Variants in PRKG1 observed in about 807,000 individuals in gnomAD.
PRKG1 encodes the protein protein kinase cGMP-dependent 1.
In PRKG1, 35 loss-of-function variants were observed where a neutral mutation model predicts 88.1. That is an observed-to-expected ratio of 0.40 (90% CI 0.30 to 0.53). The LOEUF is 0.53. Among genes scored for constraint, PRKG1 ranks in the 20% least tolerant of loss-of-function variants. The pLI, the probability that PRKG1 is intolerant of heterozygous loss-of-function variation, is 0.59. For missense variants in PRKG1, 540 were observed against 839.8 expected (o/e 0.64, Z 4.41); for synonymous variants, 303 against 292.5 (o/e 1.04, Z -0.37).
chr10:51,696,340 T>A (rs778030720), intron 3 of PRKG1: 1 of 151,962 alleles, frequency 6.6e-6, no homozygotes, highest in Non-Finnish European at 1.5e-5. Flanking sequence ...ACTGAGAGTT[T>A]TACTTAGTGA....
chr10:51,765,441 A>T (rs1465260559), intron 3 of PRKG1, among the ~76,000 whole-genome samples: 2 of 152,090 alleles, frequency 1.3e-5, no homozygotes, highest in East Asian at 3.9e-4. Flanking sequence ...TAATAATCAA[A>T]TCTTCTATGA....
In PRKG1 at chr10:52,029,630, G is replaced by A. The variant is rs1056354088; in HGVS notation, c.763-24854G>A. 8.5e-5 allele frequency among the ~76,000 whole-genome samples: 13 copies of A among 152,288 alleles called. 1 individual carries two copies. Among genetic ancestry groups the A allele is most frequent in the Admixed American group, 8.5e-4 (13 of 15,290 alleles). On this transcript the variant is annotated intron_variant, in intron 5 of 17. Coordinates refer to ENST00000373980, the MANE Select transcript of PRKG1 (RefSeq NM_006258.4). ...CTTTAGTGCCTGGTACTTGACCACGGCTGAACACTGGGATCACTTGGAGAA... is the reference window on the plus strand; with the variant it reads ...CTTTAGTGCCTGGTACTTGACCACGACTGAACACTGGGATCACTTGGAGAA...
At chr10:52,208,216 G>A (rs12254522) in intron 9 of PRKG1, among the ~76,000 whole-genome samples, 5,035 of 152,164 alleles carry the variant, frequency 0.033, 297 homozygotes, top group African/African-American at 0.11. Context: ...GAATCACTTT[G>A]AATGTGAGTC....
intron 1 of PRKG1, among the ~76,000 whole-genome samples, chr10:51,020,841 G>A (rs975126317): frequency 3.3e-5 from 5 of 152,080 alleles, no homozygotes; most frequent in Admixed American, 1.3e-4. Context: ...AGTTTCATGA[G>A]TCAAAATTGA....
At chr10:52,176,921 G>T (rs1254647374) in intron 9 of PRKG1, among the ~76,000 whole-genome samples, 1 of 152,078 alleles carries the variant, frequency 6.6e-6, no homozygotes. Context: ...GGAGTCTGTA[G>T]TTTTTCTCTA....
intron 9 of PRKG1, among the ~76,000 whole-genome samples, chr10:52,208,804 T>A (rs1004826588): frequency 1.1e-4 from 17 of 152,178 alleles, no homozygotes; most frequent in Non-Finnish European, 1.9e-4. Flanking sequence ...TTAACTATTA[T>A]TTTATAATTT....
chr10:51,392,156 T>G (rs1837420343), intron 2 of PRKG1, among the ~76,000 whole-genome samples: 1 of 151,704 alleles, frequency 6.6e-6, no homozygotes, highest in African/African-American at 2.4e-5. Flanking sequence ...TTTTAATTGA[T>G]CATTCTTGGG....
chr10:51,868,172 C>T (rs561166328), intron 4 of PRKG1, among the ~76,000 whole-genome samples: 20 of 152,120 alleles, frequency 1.3e-4, no homozygotes, highest in East Asian at 7.7e-4. Context: ...TAAGCAAGGA[C>T]GACTTATACA....
intron 7 of PRKG1, among the ~76,000 whole-genome samples, chr10:52,073,923 G>C (rs1419154578): frequency 6.6e-6 from 1 of 152,160 alleles, no homozygotes; most frequent in Non-Finnish European, 1.5e-5. Context: ...ATTTGGACTA[G>C]ACTACTTCCA....
chr10:51,614,097 T>C (rs1838982629), intron 3 of PRKG1, among the ~76,000 whole-genome samples: 1 of 151,986 alleles, frequency 6.6e-6, no homozygotes, highest in Admixed American at 6.6e-5. Flanking sequence ...GCTGTAGAAA[T>C]ACCCAACTAT....
At chr10:52,087,791 A>G (rs915822637) in intron 7 of PRKG1, among the ~76,000 whole-genome samples, 1 of 152,196 alleles carries the variant, frequency 6.6e-6, no homozygotes, top group Non-Finnish European at 1.5e-5. Context: ...GAAATTGTGA[A>G]CTGTAGTTAA....
At chr10:51,205,127 CTTTTTTTTTTTTTT>C (rs58176913) in intron 2 of PRKG1, among the ~76,000 whole-genome samples, 1 of 64,030 alleles carries the variant, frequency 1.6e-5, no homozygotes, top group Non-Finnish European at 3.0e-5. Flanking sequence ...ATTTTCTTTT[CTTTTTTTTTTTTTT>C]TTTTTTTTTT....
At chr10:51,632,655 A>C (rs1484006757) in intron 3 of PRKG1, among the ~76,000 whole-genome samples, 1 of 152,134 alleles carries the variant, frequency 6.6e-6, no homozygotes, top group East Asian at 1.9e-4. Flanking sequence ...TTGTGAATAA[A>C]ATTTTTTAGA....
At chr10:51,034,477 A>G (rs1430483953) in intron 1 of PRKG1, among the ~76,000 whole-genome samples, 3 of 151,806 alleles carry the variant, frequency 2.0e-5, no homozygotes, top group African/African-American at 7.2e-5. Flanking sequence ...TAATTTTTAC[A>G]GTCTTTCAAT....
At chr10:51,132,619 C>G (rs185653498) in intron 1 of PRKG1, among the ~76,000 whole-genome samples, 2 of 150,084 alleles carry the variant, frequency 1.3e-5, no homozygotes, top group African/African-American at 4.9e-5. Flanking sequence ...AAAGACAGAG[C>G]CTATGCAATC....
At chr10:51,778,047 A>G (rs1838486477) in intron 3 of PRKG1, among the ~76,000 whole-genome samples, 1 of 152,064 alleles carries the variant, frequency 6.6e-6, no homozygotes. Flanking sequence ...TGACTGTTCT[A>G]TCTTAATTCT....
chr10:51,967,786 A>T (rs903931047), intron 5 of PRKG1, among the ~76,000 whole-genome samples: 1 of 152,052 alleles, frequency 6.6e-6, no homozygotes, highest in Non-Finnish European at 1.5e-5. Context: ...TTTTGTGACC[A>T]CAATCATCTT....
chr10:51,320,412 G>C (rs1006737630), intron 2 of PRKG1: 3 of 156,596 alleles, frequency 1.9e-5, no homozygotes, highest in Non-Finnish European at 4.3e-5. Flanking sequence ...TGACCCTTCT[G>C]CTCCCAGAAC....
intron 1 of PRKG1, among the ~76,000 whole-genome samples, chr10:51,149,492 T>C (rs956927416): frequency 3.3e-5 from 5 of 152,168 alleles, no homozygotes; most frequent in Non-Finnish European, 5.9e-5. Context: ...AAATTTTCTC[T>C]GTAATAAGTA....
Sources: gnomAD v4.1 joint callset for allele counts (sites outside exome capture counted in the v4.1 genomes callset) on GRCh38, gnomAD v4.1.1 for gene constraint, MANE v1.5 for transcripts, NCBI Gene and HGNC (gene_info 2026-07-23, HGNC 2026-07-21) for gene names.